Variants in TLN2 observed in about 807,000 individuals in gnomAD.
TLN2 encodes talin 2.
In TLN2, 118 loss-of-function variants were observed where a neutral mutation model predicts 294.7. The ratio of observed to expected loss-of-function variants is 0.40; its 90% CI spans 0.34 to 0.47. The LOEUF (loss-of-function observed/expected upper bound fraction) is 0.47. TLN2 is among the 20% of genes least tolerant of loss of function. The probability of loss-of-function intolerance (pLI) is 0.84; values close to 1 mark genes in which losing one functional copy is unlikely to be tolerated. For missense variants in TLN2, 3,083 were observed against 3,282.2 expected, an observed-to-expected ratio of 0.94 and a Z score of 1.48; for synonymous variants, 1,431 against 1,304.5, an observed-to-expected ratio of 1.10 and a Z score of -2.09.
intron 23 of TLN2, 31 bp from the exon 24 acceptor site, chr15:62,717,545 A>G: frequency 6.9e-7 from 1 of 1,455,044 alleles, no homozygotes; most frequent in South Asian, 1.5e-5. Context: ...TTGCATATGC[A>G]GATCCTGACT....
At position 62,673,965 on chromosome 15, in the gene TLN2, G is replaced by A. The variant is rs528224807; in HGVS notation, c.852+75G>A. ...TTTATTAGTGTGAGGGGGCCTCTGC[G>A]CATGGTAGTTTTATACCTCGTGCCT... On this transcript the variant is annotated intron_variant, in intron 10 of 58. Coordinates refer to ENST00000636159, the MANE Select transcript of TLN2 (RefSeq NM_015059.3). The A allele has an allele frequency of 3.5e-5, 42 of 1,190,948 alleles. No individual in the cohort carries two copies. In the East Asian group the frequency reaches 5.0e-4, roughly 14 times the overall value. 73.8% of individuals were successfully genotyped at this position (1,190,948 alleles called of 1,614,324 possible).
At chr15:62,504,910 A>T (rs2471024) in intron 1 of TLN2, among the ~76,000 whole-genome samples, 32,756 of 150,754 alleles carry the variant, frequency 0.22, 4,318 homozygotes, top group East Asian at 0.56. Context: ...CCCACTGCTC[A>T]CTTTTTTGTT....
intron 9 of TLN2, among the ~76,000 whole-genome samples, chr15:62,672,375 G>A (rs1314053963): frequency 1.3e-5 from 2 of 152,010 alleles, no homozygotes; most frequent in Non-Finnish European, 2.9e-5. Context: ...ACTTACTGTG[G>A]TCATCCTTTT....
chr15:62,717,177 C>T (rs2059830952), intron 23 of TLN2, among the ~76,000 whole-genome samples: 1 of 152,156 alleles, frequency 6.6e-6, no homozygotes, highest in Admixed American at 6.5e-5. Context: ...CTTCTGAGTG[C>T]TGAGAGAGGA....
At chr15:62,538,107 AG>A (rs2041465940) in intron 1 of TLN2, among the ~76,000 whole-genome samples, 1 of 152,126 alleles carries the variant, frequency 6.6e-6, no homozygotes, top group Non-Finnish European at 1.5e-5. Context: ...CTGTAACTCC[AG>A]CTACTCAGAG....
chr15:62,742,024 G>GGGGTGTGTGT (rs1555495837), intron 32 of TLN2, among the ~76,000 whole-genome samples: 2 of 82,222 alleles, frequency 2.4e-5, no homozygotes, highest in African/African-American at 8.9e-5. Context: ...CTTGTAGTGG[G>GGGGTGTGTGT]GTGTGTGTGT....
intron 1 of TLN2, among the ~76,000 whole-genome samples, chr15:62,486,550 TCTCA>T (rs2038415001): frequency 6.6e-6 from 1 of 151,962 alleles, no homozygotes; most frequent in African/African-American, 2.4e-5. Flanking sequence ...TGTGGTATTT[TCTCA>T]CTATTAGATT....
At chr15:62,813,147 G>A (rs1024562906) in intron 52 of TLN2, among the ~76,000 whole-genome samples, 1 of 152,218 alleles carries the variant, frequency 6.6e-6, no homozygotes, top group Non-Finnish European at 1.5e-5. Flanking sequence ...GTGGCCAGAC[G>A]TGCTTCTCTG....
chr15:62,686,520 A>T, intron 11 of TLN2, 121 bp from the exon 12 acceptor site: 1 of 1,212,160 alleles, frequency 8.2e-7, no homozygotes, highest in Non-Finnish European at 1.1e-6. Context: ...TGGTTTCCCT[A>T]TAGCCCTACC....
intron 1 of TLN2, among the ~76,000 whole-genome samples, chr15:62,563,154 C>T (rs1235826917): frequency 6.6e-6 from 1 of 152,002 alleles, no homozygotes; most frequent in Non-Finnish European, 1.5e-5. Flanking sequence ...AATTTTAGTT[C>T]TTTAGGGAAT....
intron 14 of TLN2, among the ~76,000 whole-genome samples, chr15:62,697,429 A>G (rs1270554855): frequency 6.6e-6 from 1 of 152,172 alleles, no homozygotes; most frequent in Admixed American, 6.5e-5. Context: ...AATAACAACT[A>G]ATTGCATAAT....
chr15:62,715,401 C>T (rs771431083), intron 22 of TLN2, among the ~76,000 whole-genome samples: 59 of 152,204 alleles, frequency 3.9e-4, no homozygotes, highest in Non-Finnish European at 5.7e-4. Context: ...GCACATGTTA[C>T]AAAGCATTCA....
chr15:62,575,847 A>G (rs1026595878), intron 1 of TLN2, among the ~76,000 whole-genome samples: 6 of 152,246 alleles, frequency 3.9e-5, no homozygotes, highest in African/African-American at 1.2e-4. Context: ...GGTGTATGGA[A>G]AATGCCCAGC....
At chr15:62,796,484 G>A (rs1326255953) in intron 47 of TLN2, among the ~76,000 whole-genome samples, 191 bp downstream of exon 47, 1 of 152,190 alleles carries the variant, frequency 6.6e-6, no homozygotes, top group Non-Finnish European at 1.5e-5. Context: ...CAGTGTCGTG[G>A]TTCGAGCTTT....
chr15:62,517,643 C>G (rs905624985), intron 1 of TLN2, among the ~76,000 whole-genome samples: 1 of 152,106 alleles, frequency 6.6e-6, no homozygotes, highest in African/African-American at 2.4e-5. Context: ...TACTTACATT[C>G]TAATTTGTTT....
At chr15:62,575,153 A>C (rs530093864) in intron 1 of TLN2, among the ~76,000 whole-genome samples, 2 of 152,072 alleles carry the variant, frequency 1.3e-5, no homozygotes, top group Non-Finnish European at 2.9e-5. Flanking sequence ...TCTCCACCAA[A>C]AATTTAAAAA....
chr15:62,656,649 C>A (rs2053245111), intron 8 of TLN2, among the ~76,000 whole-genome samples: 3 of 152,202 alleles, frequency 2.0e-5, no homozygotes, highest in African/African-American at 7.2e-5. Context: ...TCCTCTCCTA[C>A]CAGCTTCCTT....
chr15:62,833,731 T>C, intron 55 of TLN2, 102 bp downstream of exon 55: 2 of 1,483,664 alleles, frequency 1.3e-6, no homozygotes, highest in Non-Finnish European at 1.8e-6. Flanking sequence ...AGGAAACACA[T>C]GCAGTGCCTT....
At chr15:62,810,218 C>T (rs906650042) in intron 52 of TLN2, among the ~76,000 whole-genome samples, 186 bp downstream of exon 52, 5 of 152,136 alleles carry the variant, frequency 3.3e-5, no homozygotes, top group African/African-American at 7.2e-5. Flanking sequence ...GCTAAAAGTG[C>T]GGTCTGGACG....
Sources: allele counts gnomAD v4.1 joint callset (sites outside exome capture counted in the v4.1 genomes callset), GRCh38; gene constraint gnomAD v4.1.1; transcripts MANE v1.5; gene names NCBI Gene and HGNC (gene_info 2026-07-23, HGNC 2026-07-21).